The following RASGRP3 variants were observed in gnomAD, a reference collection of about 807,000 sequenced individuals.
The protein encoded by RASGRP3 is ras guanyl-releasing protein 3.
Under a neutral mutation model 82.7 loss-of-function variants are expected in RASGRP3, and 54 were observed. That is an observed-to-expected ratio of 0.65 (90% CI 0.52 to 0.82). The LOEUF is 0.82. Among genes scored for constraint, RASGRP3 ranks in the 40% least tolerant of loss-of-function variants. The probability of loss-of-function intolerance (pLI) is 0.00; values close to 1 mark genes in which losing one functional copy is unlikely to be tolerated. For missense variants in RASGRP3, 861 were observed against 828.9 expected (o/e 1.04, Z -0.48); for synonymous variants, 309 against 300.5 (o/e 1.03, Z -0.29).
intron 2 of RASGRP3, among the ~76,000 whole-genome samples, chr2:33,469,465 T>G (rs1574267783): frequency 6.6e-6 from 1 of 150,540 alleles, no homozygotes; most frequent in African/African-American, 2.5e-5. Flanking sequence ...GTATGTGATT[T>G]TTTTTTTTTT....
At chr2:33,522,371 A>T (rs1227170726) in intron 7 of RASGRP3, among the ~76,000 whole-genome samples, 2 of 152,154 alleles carry the variant, frequency 1.3e-5, no homozygotes, top group East Asian at 3.8e-4. Context: ...GTCAGTGGAG[A>T]TTTAACCATT....
intron 5 of RASGRP3, 113 bp downstream of exon 5, chr2:33,520,127 C>A: frequency 1.2e-6 from 1 of 852,214 alleles, no homozygotes; most frequent in South Asian, 1.7e-5. Flanking sequence ...CTCTGATACC[C>A]CTCCCACCAA....
Position 33,562,743 on chromosome 2 carries a change from G to T in RASGRP3, c.*6G>T. The T allele has an allele frequency of 1.2e-6, 2 of 1,613,522 alleles. No homozygotes were observed. The highest frequency in any genetic ancestry group is 1.7e-6 in the Non-Finnish European group (2 of 1,179,464). On this transcript the variant is annotated 3_prime_UTR_variant, in exon 18 of 18. Coordinates refer to ENST00000403687, the MANE Select transcript of RASGRP3 (RefSeq NM_001139488.2). ...TTGTGTTTCAGGATGGCTGACTTCAGGCTGCGGAAACTGAAGGCAATAATG... is the reference window on the plus strand; with the variant it reads ...TTGTGTTTCAGGATGGCTGACTTCATGCTGCGGAAACTGAAGGCAATAATG...
At position 33,543,592 on chromosome 2, in the gene RASGRP3, C is replaced by G; in HGVS notation, c.1359C>G (p.Pro453=). The change falls in exon 13 of 18, where the codon CCC becomes CCG. Residue 453 remains proline (P), a synonymous_variant. Transcript: ENST00000403687. ...EDFESIAANF[P]FLDSFCVLDK... ...TTGAAAGTATAGCTGCCAATTTTCC[C>G]TTCTTGGATTCCTTCTGTGTTCTGG... The G allele has an allele frequency of 6.2e-7, 1 of 1,609,378 alleles. No homozygotes were observed. The highest frequency in any genetic ancestry group is 8.5e-7 in the Non-Finnish European group (1 of 1,176,184).
At chr2:33,522,213 C>T in intron 7 of RASGRP3, 111 bp downstream of exon 7, 1 of 1,241,018 alleles carries the variant, frequency 8.1e-7, no homozygotes, top group Non-Finnish European at 1.1e-6. Context: ...CTGTGCTCTG[C>T]TGGAGAAGTG....
At chr2:33,475,460 T>G (rs1294951221), upstream of RASGRP3, among the ~76,000 whole-genome samples, 1 of 152,224 alleles carries the variant, frequency 6.6e-6, no homozygotes, top group African/African-American at 2.4e-5. Context: ...AGATATTATG[T>G]GTTAAAAATC....
intron 1 of RASGRP3, among the ~76,000 whole-genome samples, chr2:33,501,090 T>G (rs1220645934): frequency 6.6e-6 from 1 of 152,206 alleles, no homozygotes; most frequent in Admixed American, 6.5e-5. Flanking sequence ...CTGCCTTCCC[T>G]CAGTGCCTGG....
chr2:33,448,217 G>T (rs926024146), intron 2 of RASGRP3, among the ~76,000 whole-genome samples: 1 of 152,072 alleles, frequency 6.6e-6, no homozygotes, highest in Non-Finnish European at 1.5e-5. Context: ...GTCTGGTGGT[G>T]TTTCTTTAAT....
intron 2 of RASGRP3, among the ~76,000 whole-genome samples, chr2:33,449,542 A>G (rs889014427): frequency 6.6e-6 from 1 of 151,902 alleles, no homozygotes; most frequent in Admixed American, 6.6e-5. Context: ...GGGGCAGACC[A>G]TGAGGTCAGG....
chr2:33,485,789 C>G (rs1462889422), intron 1 of RASGRP3, among the ~76,000 whole-genome samples: 1 of 152,184 alleles, frequency 6.6e-6, no homozygotes, highest in African/African-American at 2.4e-5. Flanking sequence ...CTTTCAACCT[C>G]TCTTTGGAAT....
At position 33,563,664 on chromosome 2, in the gene RASGRP3, A is replaced by AACTC. The variant is rs1331147792; in HGVS notation, c.*929_*932dup. Reference sequence around the variant, plus strand: ...TGCAAAACAACCATCAATTTTTTTAAACTCAATAATTTTGTGAAAAAAAAA... The same window carrying AACTC: ...TGCAAAACAACCATCAATTTTTTTAAACTCACTCAATAATTTTGTGAAAAAAAAA... On this transcript the variant is annotated 3_prime_UTR_variant, in exon 18 of 18. Coordinates refer to ENST00000403687, the MANE Select transcript of RASGRP3 (RefSeq NM_001139488.2). 2.0e-5 allele frequency: 3 copies of AACTC among 151,762 alleles called. No individual in the cohort carries two copies. Among genetic ancestry groups the AACTC allele is most frequent in the East Asian group, 1.9e-4 (1 of 5,202 alleles). The allele number at this position is 151,762 out of a possible 1,614,324, so 9.4% of individuals were successfully genotyped here. A position where few individuals can be genotyped will look rare whatever the true frequency, so the allele number is the denominator to read the frequency against.
At chr2:33,543,686 A>C (rs1674478596) in intron 13 of RASGRP3, 59 bp downstream of exon 13, 1 of 1,190,110 alleles carries the variant, frequency 8.4e-7, no homozygotes, top group Non-Finnish European at 1.2e-6. Context: ...AATTATTATC[A>C]GAGGAGAGAA....
chr2:33,502,505 T>C (rs554265544), intron 1 of RASGRP3, among the ~76,000 whole-genome samples: 2 of 150,654 alleles, frequency 1.3e-5, no homozygotes, highest in Non-Finnish European at 3.0e-5. Flanking sequence ...TTCTTTCTTT[T>C]TTTTTTTTTT....
chr2:33,470,538 C>T (rs1487758544), intron 2 of RASGRP3, among the ~76,000 whole-genome samples: 1 of 151,984 alleles, frequency 6.6e-6, no homozygotes, highest in Admixed American at 6.6e-5. Flanking sequence ...CGCCACCATG[C>T]CCGGCTAATT....
At position 33,549,683 on chromosome 2, in the gene RASGRP3, G is replaced by A; in HGVS notation, c.1474G>A (p.Gly492Arg). ...CCAACTACACTGTAAAATGGGACCA[G>A]GATTTATCCATAATTTTCAGGAGAT... ...KSQLHCKMGP[G>R]FIHNFQEMTY... is the part of the protein sequence containing the mutation. The change falls in exon 14 of 18, where the codon GGA becomes AGA. Residue 492 changes from glycine to arginine, a missense_variant. Gly to Arg is a moderately radical substitution (Grantham distance 125). Coordinates refer to ENST00000403687, the MANE Select transcript of RASGRP3 (RefSeq NM_001139488.2). The A allele has an allele frequency of 6.2e-7, 1 of 1,613,810 alleles. No individual in the cohort carries two copies. Among genetic ancestry groups the A allele is most frequent in the Non-Finnish European group, 8.5e-7 (1 of 1,179,774 alleles).
intron 1 of RASGRP3, among the ~76,000 whole-genome samples, chr2:33,496,396 T>G (rs116178019): frequency 1.2e-3 from 184 of 152,328 alleles, no homozygotes; most frequent in Middle Eastern, 0.01. Context: ...CACAATGAAG[T>G]AAGATATTGC....
At position 33,468,273 on chromosome 2, in the gene RASGRP3, A is replaced by G. The variant is rs138172710; in HGVS notation, c.-261+20330A>G. Among the ~76,000 whole-genome samples the G allele has an allele frequency of 5.3e-5, 8 of 152,310 alleles. No homozygotes were observed. In the East Asian group the frequency reaches 1.5e-3, roughly 29 times the overall value. On this transcript the variant is annotated intron_variant, in intron 2 of 18. Coordinates refer to the RASGRP3 transcript ENST00000402538. Reference sequence around the variant, plus strand: ...ATAATCACTATTAAAAATTTGATATATAATGTTTCAGATTTTTAATATATT... The same window carrying G: ...ATAATCACTATTAAAAATTTGATATGTAATGTTTCAGATTTTTAATATATT...
intron 12 of RASGRP3, among the ~76,000 whole-genome samples, chr2:33,540,543 CTGTGTGTGTGTTTTGTGTGTGTGTGTGTG>C (rs1337162515): frequency 6.7e-4 from 39 of 57,894 alleles, no homozygotes; most frequent in African/African-American, 2.5e-3. Context: ...CTCTCTCTCT[CTGTGTGTGTGTTTTGTGTGTGTGTGTGTG>C]TGTGTGTGTG....
chr2:33,447,448 T>C (rs1665563723), intron 1 of RASGRP3, among the ~76,000 whole-genome samples: 1 of 151,764 alleles, frequency 6.6e-6, no homozygotes, highest in Non-Finnish European at 1.5e-5. Flanking sequence ...ACATTTTTTT[T>C]TTTTTGAGAC....
Sources: gnomAD v4.1 joint callset for allele counts (sites outside exome capture counted in the v4.1 genomes callset) on GRCh38, gnomAD v4.1.1 for gene constraint, MANE v1.5 for transcripts, NCBI Gene and HGNC (gene_info 2026-07-23, HGNC 2026-07-21) for gene names.